ILRUN: variants seen among roughly 807,000 people sequenced by gnomAD.
ILRUN encodes protein ILRUN.
In ILRUN, 3 loss-of-function variants were observed where a neutral mutation model predicts 33.8. The ratio of observed to expected loss-of-function variants is 0.09; its 90% CI spans 0.04 to 0.23. The LOEUF is 0.23. ILRUN is among the 10% of genes least tolerant of loss of function. ILRUN has a pLI of 1.00. For missense variants in ILRUN, 210 were observed against 375.1 expected (o/e 0.56, Z 3.64); for synonymous variants, 124 against 138.9 (o/e 0.89, Z 0.75).
chr6:34,607,086 T>C (rs538421965), intron 3 of ILRUN, among the ~76,000 whole-genome samples, 182 bp from the exon 4 acceptor site: 2 of 152,346 alleles, frequency 1.3e-5, no homozygotes, highest in South Asian at 2.1e-4. Flanking sequence ...GCTACATTTT[T>C]GGTAATGTCA....
At chr6:34,600,996 G>A (rs975337179) in intron 4 of ILRUN, among the ~76,000 whole-genome samples, 1 of 152,136 alleles carries the variant, frequency 6.6e-6, no homozygotes, top group African/African-American at 2.4e-5. Flanking sequence ...ACCAGTCTCA[G>A]TAACTGTAAA....
Position 34,626,269 on chromosome 6 carries a change from TCAAA to T in ILRUN, c.512-19369_512-19366del, listed in dbSNP as rs534663399. Among the ~76,000 whole-genome samples the T allele has an allele frequency of 2.5e-4, 38 of 152,312 alleles. No individual in the cohort carries two copies. The South Asian group carries it at 5.2e-3, about 21-fold the overall frequency. ...TCACTGTAGTCTTGACCTTCTGAGC[TCAAA>T]CAATCTTCCCACATTTGCCCGCAAA... is the stretch of plus-strand genomic sequence containing the variant. On this transcript the variant is annotated intron_variant, in intron 3 of 4. Coordinates refer to ENST00000374023, the MANE Select transcript of ILRUN (RefSeq NM_024294.4).
intron 1 of ILRUN, among the ~76,000 whole-genome samples, chr6:34,694,368 T>C (rs1293146493): frequency 6.6e-6 from 1 of 152,108 alleles, no homozygotes; most frequent in South Asian, 2.1e-4. Context: ...GCAGCAACAA[T>C]ATGCCAAGTT....
In ILRUN at chr6:34,654,795, A is replaced by C; in HGVS notation, c.159-16T>G. On this transcript the variant is annotated splice_polypyrimidine_tract_variant and intron_variant, in intron 1 of 4. Coordinates refer to ENST00000374023, the MANE Select transcript of ILRUN (RefSeq NM_024294.4). ...TTGTAGGTTCCTATAGAAAAAGAGAAAAGGCAACAGACTTCAGTACTGTCC... is the reference window on the plus strand; with the variant it reads ...TTGTAGGTTCCTATAGAAAAAGAGACAAGGCAACAGACTTCAGTACTGTCC... The C allele has an allele frequency of 6.2e-7, 1 of 1,610,856 alleles. No homozygotes were observed. Among genetic ancestry groups the C allele is most frequent in the Non-Finnish European group, 8.5e-7 (1 of 1,178,948 alleles).
chr6:34,609,215 A>G (rs745728171), intron 3 of ILRUN, among the ~76,000 whole-genome samples: 6 of 152,186 alleles, frequency 3.9e-5, no homozygotes, highest in Non-Finnish European at 8.8e-5. Context: ...CTGGCTGGGC[A>G]CGGTGGCTCA....
intron 3 of ILRUN, among the ~76,000 whole-genome samples, chr6:34,641,078 C>CA (rs752197549): frequency 0.38 from 28,860 of 76,448 alleles, 4,808 homozygotes; most frequent in African/African-American, 0.5. Flanking sequence ...GACTCCATCT[C>CA]AAAAAAAAAA....
chr6:34,650,372 T>TA (rs1196983168), intron 2 of ILRUN, among the ~76,000 whole-genome samples: 3 of 151,778 alleles, frequency 2.0e-5, no homozygotes, highest in Non-Finnish European at 4.4e-5. Context: ...TCTAAGGACT[T>TA]AAAAAATATT....
chr6:34,588,100 T>C lies in ILRUN; in HGVS notation c.*2465A>G, dbSNP rs375068970. 82 of 398,662 alleles carry C rather than the reference T, an allele frequency of 2.1e-4. 1 individual carries two copies. Among genetic ancestry groups the C allele is most frequent in the East Asian group, 8.5e-4 (24 of 28,096 alleles). The allele number at this position is 398,662 out of a possible 1,614,324, so 24.7% of individuals were successfully genotyped here. Reference sequence around the variant, plus strand: ...TGAGGGGAGAGAGAATGAATGATACTGATACCCTCCCTGGGCTGGGGAAGC... The same window carrying C: ...TGAGGGGAGAGAGAATGAATGATACCGATACCCTCCCTGGGCTGGGGAAGC... On this transcript the variant is annotated 3_prime_UTR_variant, in exon 5 of 5. Transcript: ENST00000374023.
intron 1 of ILRUN, among the ~76,000 whole-genome samples, chr6:34,683,491 T>TATATACATATATATATATATAC (rs1763443105): frequency 1.1e-5 from 1 of 92,926 alleles, no homozygotes; most frequent in Non-Finnish European, 1.9e-5. Context: ...TATATACATA[T>TATATACATATATATATATATAC]ATATATACAT....
chr6:34,680,553 C>T (rs573707213), intron 1 of ILRUN, among the ~76,000 whole-genome samples: 1 of 152,184 alleles, frequency 6.6e-6, no homozygotes, highest in South Asian at 2.1e-4. Flanking sequence ...AAACCTCTGC[C>T]TCCTAGGCTC....
chr6:34,623,209 A>T (rs1762044380), intron 3 of ILRUN, among the ~76,000 whole-genome samples: 1 of 152,242 alleles, frequency 6.6e-6, no homozygotes, highest in African/African-American at 2.4e-5. Flanking sequence ...GTACACTTAA[A>T]AATGGTTACA....
intron 4 of ILRUN, among the ~76,000 whole-genome samples, chr6:34,602,129 G>A (rs1007531434): frequency 1.3e-5 from 2 of 151,764 alleles, no homozygotes; most frequent in Admixed American, 6.6e-5. Context: ...TTTTTTTAAA[G>A]AAAGAACAAA....
intron 2 of ILRUN, among the ~76,000 whole-genome samples, chr6:34,653,987 A>AAG (rs1433599620): frequency 5.5e-4 from 83 of 151,808 alleles, no homozygotes; most frequent in African/African-American, 1.9e-3. Flanking sequence ...AAAAAAAAAA[A>AAG]AAGTGCTGGG....
intron 3 of ILRUN, among the ~76,000 whole-genome samples, chr6:34,613,225 C>CAAT (rs1761798959): frequency 6.6e-6 from 1 of 151,664 alleles, no homozygotes; most frequent in African/African-American, 2.4e-5. Context: ...AAAACAACAA[C>CAAT]AACAACAACA....
chr6:34,591,250 T>TA (rs1761286920), intron 4 of ILRUN, among the ~76,000 whole-genome samples: 1 of 151,994 alleles, frequency 6.6e-6, no homozygotes, highest in South Asian at 2.1e-4. Flanking sequence ...CAGGACCCCA[T>TA]AAGGCCAAGG....
chr6:34,642,835 A>AG, intron 3 of ILRUN, among the ~76,000 whole-genome samples: 1 of 149,444 alleles, frequency 6.7e-6, no homozygotes, highest in Non-Finnish European at 1.5e-5. Context: ...CAAAAAAAAA[A>AG]AAAAAAAAAA....
chr6:34,596,060 G>C (rs530777630), intron 4 of ILRUN: 24 of 360,770 alleles, frequency 6.7e-5, no homozygotes, highest in African/African-American at 4.0e-4. Context: ...GCTGGCAGGG[G>C]CCAGAAACTG....
At chr6:34,614,825 T>C (rs901736576) in intron 3 of ILRUN, among the ~76,000 whole-genome samples, 1 of 152,154 alleles carries the variant, frequency 6.6e-6, no homozygotes, top group African/African-American at 2.4e-5. Context: ...GATAGGGTGC[T>C]TTACCTCTGT....
intron 1 of ILRUN, among the ~76,000 whole-genome samples, chr6:34,655,986 G>T (rs963501002): frequency 6.6e-6 from 1 of 152,118 alleles, no homozygotes; most frequent in Non-Finnish European, 1.5e-5. Flanking sequence ...TGTAATCCCA[G>T]TACTTTGGGA....
Sources: gnomAD v4.1 joint callset for allele counts (sites outside exome capture counted in the v4.1 genomes callset) on GRCh38, gnomAD v4.1.1 for gene constraint, MANE v1.5 for transcripts, NCBI Gene and HGNC (gene_info 2026-07-23, HGNC 2026-07-21) for gene names.